The following CACNA2D1 variants were observed in gnomAD, a reference collection of about 807,000 sequenced individuals.
CACNA2D1 encodes the protein calcium voltage-gated channel auxiliary subunit alpha2delta 1, also known as voltage-dependent calcium channel subunit alpha-2/delta-1.
CACNA2D1 carries 53 observed loss-of-function variants against 171.5 expected under a neutral mutation model. That is an observed-to-expected ratio of 0.31 (90% CI 0.25 to 0.39). CACNA2D1 has a LOEUF of 0.39. CACNA2D1 is among the 10% of genes least tolerant of loss of function. The pLI is 1.00. For missense variants in CACNA2D1, 903 were observed against 1,299.8 expected (o/e 0.69, Z 4.69); for synonymous variants, 442 against 443.1 (o/e 1.00, Z 0.03).
intron 1 of CACNA2D1, among the ~76,000 whole-genome samples, chr7:82,358,869 A>C (rs904045432): frequency 1.3e-5 from 2 of 151,946 alleles, no homozygotes; most frequent in African/African-American, 4.8e-5. Context: ...TGTTTTATCC[A>C]AGTATTTTTT....
chr7:82,224,518 G>A (rs919079673), intron 3 of CACNA2D1, among the ~76,000 whole-genome samples: 1 of 152,082 alleles, frequency 6.6e-6, no homozygotes, highest in African/African-American at 2.4e-5. Flanking sequence ...AGGAGGCGGG[G>A]GTTGCAGTGA....
chr7:82,278,396 T>C (rs1290329568), intron 3 of CACNA2D1, among the ~76,000 whole-genome samples: 1 of 151,826 alleles, frequency 6.6e-6, no homozygotes, highest in Non-Finnish European at 1.5e-5. Flanking sequence ...CTGGCCAACA[T>C]GGCAAAACCC....
chr7:82,315,658 T>A (rs1442148600), intron 3 of CACNA2D1, among the ~76,000 whole-genome samples: 1 of 152,118 alleles, frequency 6.6e-6, no homozygotes, highest in Non-Finnish European at 1.5e-5. Context: ...AGGTGGTTTT[T>A]AAAAATTAAC....
chr7:81,966,269 A>C (rs1172223540), intron 31 of CACNA2D1, among the ~76,000 whole-genome samples: 1 of 151,686 alleles, frequency 6.6e-6, no homozygotes, highest in Non-Finnish European at 1.5e-5. Context: ...TTAATGTATG[A>C]AAATCAATAT....
intron 3 of CACNA2D1, among the ~76,000 whole-genome samples, chr7:82,287,142 T>G (rs1424876662): frequency 6.6e-6 from 1 of 152,210 alleles, no homozygotes; most frequent in Non-Finnish European, 1.5e-5. Flanking sequence ...CAATGTATTA[T>G]TTTTCCTTTT....
At chr7:82,318,034 T>C (rs1815327043) in intron 3 of CACNA2D1, among the ~76,000 whole-genome samples, 1 of 151,972 alleles carries the variant, frequency 6.6e-6, no homozygotes. Flanking sequence ...ATTTTAACTA[T>C]ATACTTACCC....
chr7:81,982,331 T>C (rs1796523193), intron 24 of CACNA2D1, among the ~76,000 whole-genome samples: 1 of 152,226 alleles, frequency 6.6e-6, no homozygotes, highest in African/African-American at 2.4e-5. Flanking sequence ...GGTTTCACCA[T>C]GTTGGCCAGA....
chr7:82,342,257 T>G (rs1268254759), intron 2 of CACNA2D1, among the ~76,000 whole-genome samples: 3 of 152,120 alleles, frequency 2.0e-5, no homozygotes, highest in African/African-American at 7.2e-5. Context: ...TATATACGTG[T>G]GATGTTTATT....
intron 2 of CACNA2D1, among the ~76,000 whole-genome samples, chr7:82,342,404 T>C (rs1299764277): frequency 6.6e-6 from 1 of 152,186 alleles, no homozygotes; most frequent in Non-Finnish European, 1.5e-5. Context: ...AATTAGTGAA[T>C]GGATACTGAT....
intron 3 of CACNA2D1, among the ~76,000 whole-genome samples, chr7:82,228,578 G>C (rs1258967663): frequency 6.6e-6 from 1 of 152,080 alleles, no homozygotes; most frequent in African/African-American, 2.4e-5. Flanking sequence ...GGAATTGTAT[G>C]CCTGTGATTG....
intron 1 of CACNA2D1, among the ~76,000 whole-genome samples, chr7:82,370,029 G>C (rs1355478080): frequency 6.6e-6 from 1 of 151,838 alleles, no homozygotes; most frequent in African/African-American, 2.4e-5. Flanking sequence ...TAAAATATTA[G>C]GGTGTTAGAA....
chr7:82,315,551 G>A (rs1815015260), intron 3 of CACNA2D1, among the ~76,000 whole-genome samples: 1 of 151,982 alleles, frequency 6.6e-6, no homozygotes, highest in South Asian at 2.1e-4. Context: ...GCTACATATT[G>A]CTTGAAAAGA....
At chr7:82,219,461 A>C (rs1801519813) in intron 3 of CACNA2D1, among the ~76,000 whole-genome samples, 1 of 152,108 alleles carries the variant, frequency 6.6e-6, no homozygotes, top group African/African-American at 2.4e-5. Context: ...TTAACTTAAG[A>C]ATTTTTGCTG....
intron 1 of CACNA2D1, among the ~76,000 whole-genome samples, chr7:82,421,460 A>G (rs17156291): frequency 0.035 from 5,349 of 152,294 alleles, 179 homozygotes; most frequent in East Asian, 0.12. Context: ...TGCTTATCCA[A>G]TGGTTTGAGA....
At chr7:82,025,735 A>G (rs575557766) in intron 12 of CACNA2D1, among the ~76,000 whole-genome samples, 43 of 151,830 alleles carry the variant, frequency 2.8e-4, no homozygotes, top group Non-Finnish European at 5.2e-4. Flanking sequence ...AATGTTCCAT[A>G]TGCACTTGAG....
intron 6 of CACNA2D1, among the ~76,000 whole-genome samples, chr7:82,090,144 A>G (rs934672333): frequency 3.9e-5 from 6 of 152,118 alleles, no homozygotes; most frequent in African/African-American, 1.4e-4. Flanking sequence ...GAATTAATTT[A>G]AGATCTATCC....
chr7:82,347,404 A>C (rs1819369506), intron 2 of CACNA2D1, among the ~76,000 whole-genome samples: 2 of 152,108 alleles, frequency 1.3e-5, no homozygotes, highest in Non-Finnish European at 1.5e-5. Flanking sequence ...TTCATGTAAA[A>C]AGCTAATTGT....
chr7:82,212,453 T>C lies in CACNA2D1; in HGVS notation c.295-41844A>G, dbSNP rs144823970. Reference sequence around the variant, plus strand: ...TTAAGACTCAATCCAAGACTTATACTCAATCATTGACAAGAAGTATTTCAT... The same window carrying C: ...TTAAGACTCAATCCAAGACTTATACCCAATCATTGACAAGAAGTATTTCAT... On this transcript the variant is annotated intron_variant, in intron 3 of 38. Transcript: ENST00000356860. 3.7e-3 allele frequency among the ~76,000 whole-genome samples: 563 copies of C among 152,348 alleles called. 5 individuals are homozygous for C. Among genetic ancestry groups the C allele is most frequent in the African/African-American group, 0.013 (534 of 41,582 alleles).
chr7:82,285,762 C>A (rs1810681644), intron 3 of CACNA2D1, among the ~76,000 whole-genome samples: 1 of 152,132 alleles, frequency 6.6e-6, no homozygotes, highest in African/African-American at 2.4e-5. Context: ...TATTTAAAAA[C>A]TTGATACTGG....
Sources: allele counts gnomAD v4.1 joint callset (sites outside exome capture counted in the v4.1 genomes callset), GRCh38; gene constraint gnomAD v4.1.1; transcripts MANE v1.5; gene names NCBI Gene and HGNC (gene_info 2026-07-23, HGNC 2026-07-21).